Variants in HNRNPC observed in about 807,000 individuals in gnomAD.
HNRNPC encodes heterogeneous nuclear ribonucleoprotein C.
A neutral mutation model predicts 33.2 loss-of-function variants in HNRNPC; 3 were observed. The observed-to-expected ratio is 0.09, with a 90% confidence interval of 0.04 to 0.23. The LOEUF is 0.23. Ranked by LOEUF, HNRNPC falls within the 10% of genes least tolerant of loss-of-function variation. The probability of loss-of-function intolerance (pLI) is 1.00; values close to 1 mark genes in which losing one functional copy is unlikely to be tolerated. For synonymous variants in HNRNPC, 121 were observed against 126.7 expected, an observed-to-expected ratio of 0.96 and a Z score of 0.30; for missense variants, 143 against 366.7, an observed-to-expected ratio of 0.39 and a Z score of 4.98.
chr14:21,234,692 T>TAC (rs1566617622), intron 2 of HNRNPC: 1 of 157,762 alleles, frequency 6.3e-6, no homozygotes, highest in African/African-American at 2.4e-5. Flanking sequence ...TCTGTATATA[T>TAC]ACACACAGCA....
chr14:21,231,704 G>A (rs1894138153), intron 3 of HNRNPC, among the ~76,000 whole-genome samples: 1 of 152,054 alleles, frequency 6.6e-6, no homozygotes, highest in Non-Finnish European at 1.5e-5. Flanking sequence ...GTGTTCCTGA[G>A]ACTAACATTA....
At chr14:21,268,186 T>G (rs1418975347) in intron 1 of HNRNPC, among the ~76,000 whole-genome samples, 1 of 152,090 alleles carries the variant, frequency 6.6e-6, no homozygotes, top group African/African-American at 2.4e-5. Context: ...TTTTTTAACT[T>G]TTAAGTTTTT....
intron 2 of HNRNPC, among the ~76,000 whole-genome samples, chr14:21,245,836 T>A (rs1450520123): frequency 6.6e-6 from 1 of 152,114 alleles, no homozygotes; most frequent in Non-Finnish European, 1.5e-5. Context: ...CTCAGCTCCA[T>A]TATAATCTCT....
intron 2 of HNRNPC, among the ~76,000 whole-genome samples, chr14:21,258,730 A>G (rs1198428333): frequency 6.6e-6 from 1 of 152,244 alleles, no homozygotes; most frequent in African/African-American, 2.4e-5. Context: ...CCAACAAGGT[A>G]TCAGAAATAA....
chr14:21,245,324 C>T (rs1895851178), intron 2 of HNRNPC, among the ~76,000 whole-genome samples: 2 of 150,762 alleles, frequency 1.3e-5, no homozygotes, highest in Admixed American at 6.6e-5. Flanking sequence ...GGAGAAACCG[C>T]GTCTCTACTA....
At chr14:21,221,984 G>GCC (rs1320874663) in intron 5 of HNRNPC, among the ~76,000 whole-genome samples, 1 of 146,248 alleles carries the variant, frequency 6.8e-6, no homozygotes, top group African/African-American at 2.5e-5. Context: ...AGGAGACGGG[G>GCC]CTCTTGAGAT....
chr14:21,218,238 A>G (rs1892416013), intron 5 of HNRNPC, among the ~76,000 whole-genome samples: 1 of 152,210 alleles, frequency 6.6e-6, no homozygotes, highest in African/African-American at 2.4e-5. Flanking sequence ...TGCTGCAATT[A>G]CAGGCATGAG....
intron 2 of HNRNPC, among the ~76,000 whole-genome samples, chr14:21,252,232 G>A (rs759710126): frequency 8.5e-5 from 13 of 152,118 alleles, no homozygotes; most frequent in South Asian, 2.1e-4. Context: ...TGTTATCCCC[G>A]TAGAAATAAA....
chr14:21,237,066 G>C (rs1273931245), intron 2 of HNRNPC, among the ~76,000 whole-genome samples: 6 of 152,166 alleles, frequency 3.9e-5, no homozygotes, highest in Non-Finnish European at 5.9e-5. Context: ...TTAAAACTTA[G>C]AAGTTTCACC....
intron 3 of HNRNPC, among the ~76,000 whole-genome samples, chr14:21,233,257 A>G (rs1894314671): frequency 6.6e-6 from 1 of 152,254 alleles, no homozygotes; most frequent in East Asian, 1.9e-4. Context: ...ACATAACATT[A>G]TCAAAGAATT....
intron 2 of HNRNPC, among the ~76,000 whole-genome samples, chr14:21,244,515 CCAAAGT>C (rs1428847942): frequency 3.3e-5 from 5 of 152,134 alleles, no homozygotes; most frequent in Non-Finnish European, 7.4e-5. Flanking sequence ...TTTTGAATTG[CCAAAGT>C]CAGAGAACTC....
chr14:21,250,320 C>T (rs1896490327), intron 2 of HNRNPC, among the ~76,000 whole-genome samples: 1 of 151,728 alleles, frequency 6.6e-6, no homozygotes, highest in South Asian at 2.1e-4. Flanking sequence ...AATTTCCTTG[C>T]AAATGGTTCA....
chr14:21,219,318 A>G (rs1892575705), intron 5 of HNRNPC, among the ~76,000 whole-genome samples: 1 of 152,160 alleles, frequency 6.6e-6, no homozygotes, highest in South Asian at 2.1e-4. Context: ...TGGTTATATG[A>G]CTATGCATTT....
intron 2 of HNRNPC, among the ~76,000 whole-genome samples, chr14:21,253,318 A>G (rs1374621640): frequency 6.6e-6 from 1 of 151,332 alleles, no homozygotes; most frequent in Non-Finnish European, 1.5e-5. Flanking sequence ...CTACTAAAAA[A>G]AAAAAAAAAT....
At chr14:21,233,448 C>T (rs1894335050) in intron 3 of HNRNPC, among the ~76,000 whole-genome samples, 1 of 152,158 alleles carries the variant, frequency 6.6e-6, no homozygotes, top group Non-Finnish European at 1.5e-5. Flanking sequence ...TTAAAACAGA[C>T]ATCTAGTACA....
At position 21,258,357 on chromosome 14, in the gene HNRNPC, C is replaced by T. The variant is rs188953597; in HGVS notation, c.-37+4954G>A. 2.6e-3 allele frequency among the ~76,000 whole-genome samples: 397 copies of T among 151,694 alleles called. 1 individual carries two copies. The highest frequency in any genetic ancestry group is 9.2e-3 in the African/African-American group (380 of 41,268). ...GTGAGCCAGAGATCATGCCACTGCACTCCAGCCTGGTGACAGAGCGAGACT... is the reference window on the plus strand; with the variant it reads ...GTGAGCCAGAGATCATGCCACTGCATTCCAGCCTGGTGACAGAGCGAGACT... On this transcript the variant is annotated intron_variant, in intron 2 of 8. Transcript: ENST00000553300.
chr14:21,246,165 G>C (rs572064150), intron 2 of HNRNPC, among the ~76,000 whole-genome samples: 1 of 152,038 alleles, frequency 6.6e-6, no homozygotes, highest in South Asian at 2.1e-4. Flanking sequence ...TATGTGGTCT[G>C]TCATTCACCA....
At chr14:21,226,899 G>GAAA (rs763914963) in intron 5 of HNRNPC, among the ~76,000 whole-genome samples, 7,377 of 106,010 alleles carry the variant, frequency 0.07, 319 homozygotes, top group Non-Finnish European at 0.082. Flanking sequence ...AAAAAAAGGG[G>GAAA]GGGGGGGGAC....
At chr14:21,230,472 C>T in intron 4 of HNRNPC, 106 bp from the exon 5 acceptor site, 2 of 755,416 alleles carry the variant, frequency 2.6e-6, no homozygotes, top group South Asian at 3.1e-5. Context: ...AATAGATCAA[C>T]AAGATTAGCA....
Sources: allele counts gnomAD v4.1 joint callset (sites outside exome capture counted in the v4.1 genomes callset), GRCh38; gene constraint gnomAD v4.1.1; transcripts MANE v1.5; gene names NCBI Gene and HGNC (gene_info 2026-07-23, HGNC 2026-07-21).